The following CDYL2 variants were observed in gnomAD, a reference collection of about 807,000 sequenced individuals.
CDYL2 encodes the protein chromodomain Y like 2.
In CDYL2, 23 loss-of-function variants were observed where a neutral mutation model predicts 49.4. The observed-to-expected ratio is 0.47, with a 90% CI of 0.34 to 0.66. CDYL2 has a LOEUF of 0.66. Ranked by LOEUF, CDYL2 falls within the 30% of genes least tolerant of loss-of-function variation. The pLI is 0.01. For missense variants in CDYL2, 678 were observed against 656.4 expected (o/e 1.03, Z -0.36); for synonymous variants, 360 against 268.8 (o/e 1.34, Z -3.32).
chr16:80,650,740 T>C (rs1908547090), intron 2 of CDYL2, among the ~76,000 whole-genome samples: 1 of 152,008 alleles, frequency 6.6e-6, no homozygotes, highest in African/African-American at 2.4e-5. Context: ...AACAGACAAA[T>C]GGATAAAGAA....
At chr16:80,741,197 A>G (rs1265735585) in intron 1 of CDYL2, among the ~76,000 whole-genome samples, 1 of 150,606 alleles carries the variant, frequency 6.6e-6, no homozygotes, top group Non-Finnish European at 1.5e-5. Context: ...AGATGTGTGT[A>G]TAAGAATTTT....
chr16:80,707,474 GAAGA>G (rs1904445445), intron 1 of CDYL2, among the ~76,000 whole-genome samples: 1 of 152,096 alleles, frequency 6.6e-6, no homozygotes, highest in African/African-American at 2.4e-5. Flanking sequence ...AAAAAGAAAA[GAAGA>G]AAGTATAAAT....
chr16:80,681,149 A>G (rs999956043), intron 2 of CDYL2, among the ~76,000 whole-genome samples: 1 of 152,184 alleles, frequency 6.6e-6, no homozygotes, highest in Admixed American at 6.5e-5. Context: ...CTGTATGCAG[A>G]ACCTTAACTC....
intron 1 of CDYL2, among the ~76,000 whole-genome samples, chr16:80,717,685 T>C (rs1283315967): frequency 6.6e-6 from 1 of 152,168 alleles, no homozygotes; most frequent in Non-Finnish European, 1.5e-5. Context: ...AGCAGTGAAG[T>C]GGACAGACAA....
intron 1 of CDYL2, among the ~76,000 whole-genome samples, chr16:80,758,984 C>A (rs187962927): frequency 6.6e-6 from 1 of 151,206 alleles, no homozygotes; most frequent in African/African-American, 2.4e-5. Flanking sequence ...AGAAAAATAT[C>A]TGACCCAGGA....
At chr16:80,719,348 T>G (rs1904921112) in intron 1 of CDYL2, among the ~76,000 whole-genome samples, 1 of 152,136 alleles carries the variant, frequency 6.6e-6, no homozygotes, top group South Asian at 2.1e-4. Context: ...TCTCCATTTG[T>G]AAATGGGACT....
At chr16:80,755,930 C>A (rs1329759348) in intron 1 of CDYL2, among the ~76,000 whole-genome samples, 1 of 152,132 alleles carries the variant, frequency 6.6e-6, no homozygotes, top group African/African-American at 2.4e-5. Context: ...AAAATAAAGT[C>A]TACTATACCC....
chr16:80,686,488 G>C (rs1009322135), intron 1 of CDYL2, among the ~76,000 whole-genome samples: 3 of 152,150 alleles, frequency 2.0e-5, no homozygotes, highest in African/African-American at 4.8e-5. Flanking sequence ...ATTAAGTCGA[G>C]TCAGGAATAA....
intron 1 of CDYL2, among the ~76,000 whole-genome samples, chr16:80,773,121 T>C (rs1193836798): frequency 2.0e-5 from 3 of 152,122 alleles, no homozygotes; most frequent in African/African-American, 7.2e-5. Flanking sequence ...AAAGAAATGC[T>C]CTGCAAATTT....
chr16:80,736,392 A>T (rs2316576), intron 1 of CDYL2: 44,007 of 152,152 alleles, frequency 0.29, 7,383 homozygotes, highest in Middle Eastern at 0.52. Flanking sequence ...CTAAGCACTT[A>T]TTTTCAAGTT....
At chr16:80,617,109 G>C (rs1434231065) in intron 4 of CDYL2, among the ~76,000 whole-genome samples, 1 of 152,230 alleles carries the variant, frequency 6.6e-6, no homozygotes, top group African/African-American at 2.4e-5. Flanking sequence ...ATCCTGGAGA[G>C]AGCCTTCTGA....
At chr16:80,621,119 T>C (rs959882942) in intron 3 of CDYL2, among the ~76,000 whole-genome samples, 184 bp from the exon 4 acceptor site, 6 of 152,138 alleles carry the variant, frequency 3.9e-5, no homozygotes, top group Non-Finnish European at 8.8e-5. Context: ...AAAACACTTA[T>C]CATAGCCAAA....
intron 1 of CDYL2, among the ~76,000 whole-genome samples, chr16:80,714,070 G>A (rs189529348): frequency 2.6e-5 from 4 of 152,092 alleles, no homozygotes; most frequent in Admixed American, 6.6e-5. Flanking sequence ...CAAAACCTGT[G>A]AGCATTAAAA....
rs1484609483 is a variant in CDYL2, at chr16:80,604,291, A to T, written c.*97T>A. ...TGGACACAACCCTACGTATAAAGAG[A>T]CACCTTGACAAACTCCTTGGCCGGG... On this transcript the variant is annotated 3_prime_UTR_variant, in exon 7 of 7. Transcript: ENST00000570137. The T allele has an allele frequency of 1.5e-6, 2 of 1,339,768 alleles. No homozygotes were observed. Among genetic ancestry groups the T allele is most frequent in the African/African-American group, 2.9e-5 (2 of 68,442 alleles). 83.0% of individuals were successfully genotyped at this position (1,339,768 alleles called of 1,614,324 possible).
At position 80,610,879 on chromosome 16, in the gene CDYL2, C is replaced by T. The variant is rs538077016; in HGVS notation, c.1218+1747G>A. 5.3e-5 allele frequency among the ~76,000 whole-genome samples: 8 copies of T among 152,240 alleles called. No individual in the cohort carries two copies. In the South Asian group the frequency reaches 6.2e-4, roughly 12 times the overall value. On this transcript the variant is annotated intron_variant, in intron 5 of 6. Coordinates refer to ENST00000570137, the MANE Select transcript of CDYL2 (RefSeq NM_152342.4). ...GCTGGCAGATGCCCCCAGTGGACCC[C>T]GGGCAGACCTTGCTGAGGCAGGCAC...
chr16:80,703,157 G>T (rs890525390), intron 1 of CDYL2, among the ~76,000 whole-genome samples: 3 of 152,160 alleles, frequency 2.0e-5, no homozygotes, highest in Non-Finnish European at 4.4e-5. Context: ...CAAAAAGAGA[G>T]GTGGAGATGT....
intron 1 of CDYL2, among the ~76,000 whole-genome samples, chr16:80,738,395 C>G (rs1345183471): frequency 7.2e-6 from 1 of 139,034 alleles, no homozygotes; most frequent in Non-Finnish European, 1.7e-5. Context: ...AATCCCATGT[C>G]TATTTTTTTT....
chr16:80,759,108 A>C (rs1314565180), intron 1 of CDYL2, among the ~76,000 whole-genome samples: 2 of 93,118 alleles, frequency 2.1e-5, no homozygotes, highest in Non-Finnish European at 4.0e-5. Context: ...TATACTATAT[A>C]TATATATATA....
At chr16:80,796,717 T>C (rs1024736350) in intron 1 of CDYL2, among the ~76,000 whole-genome samples, 1 of 152,166 alleles carries the variant, frequency 6.6e-6, no homozygotes, top group Non-Finnish European at 1.5e-5. Context: ...TAATCCATTC[T>C]CCCACTTCAC....
Sources: allele counts gnomAD v4.1 joint callset (sites outside exome capture counted in the v4.1 genomes callset), GRCh38; gene constraint gnomAD v4.1.1; transcripts MANE v1.5; gene names NCBI Gene and HGNC (gene_info 2026-07-23, HGNC 2026-07-21).